The following PPME1 variants were observed in gnomAD, a reference collection of about 807,000 sequenced individuals.
PPME1 encodes the protein testicular secretory protein Li 39.
In PPME1, 17 loss-of-function variants were observed where a neutral mutation model predicts 56.9. That is an observed-to-expected ratio of 0.30 (90% CI 0.20 to 0.45). The LOEUF is 0.45. PPME1 is among the 20% of genes least tolerant of loss of function. The pLI, the probability that PPME1 is intolerant of heterozygous loss-of-function variation, is 1.00. For synonymous variants in PPME1, 122 were observed against 156.2 expected (o/e 0.78, Z 1.63); for missense variants, 357 against 483.2 (o/e 0.74, Z 2.45).
chr11:74,176,905 A>G (rs1857413698), intron 1 of PPME1, among the ~76,000 whole-genome samples: 1 of 151,306 alleles, frequency 6.6e-6, no homozygotes, highest in African/African-American at 2.4e-5. Context: ...TAATTTTTGT[A>G]TTTTTAGTAG....
At chr11:74,195,879 A>G (rs555964) in intron 1 of PPME1, among the ~76,000 whole-genome samples, 104,524 of 152,104 alleles carry the variant, frequency 0.69, 36,133 homozygotes, top group East Asian at 0.84. Flanking sequence ...CCTATCAAAA[A>G]GTTTTGGGAA....
intron 1 of PPME1, among the ~76,000 whole-genome samples, chr11:74,202,170 T>C (rs773342930): frequency 3.3e-5 from 5 of 152,226 alleles, no homozygotes; most frequent in South Asian, 2.1e-4. Flanking sequence ...GTAGGACTTA[T>C]AAGGAATTTG....
intron 1 of PPME1, 36 bp from the exon 2 acceptor site, chr11:74,203,692 A>T (rs368312393): frequency 1.3e-6 from 2 of 1,543,744 alleles, no homozygotes; most frequent in African/African-American, 1.4e-5. Context: ...TTTATGCATA[A>T]TTTTTCTGAA....
intron 5 of PPME1, 107 bp downstream of exon 5, chr11:74,225,363 C>T (rs1858908192): frequency 1.2e-6 from 1 of 829,830 alleles, no homozygotes; most frequent in Non-Finnish European, 1.8e-6. Flanking sequence ...ATAATTACCA[C>T]AAGGAAAATT....
chr11:74,248,515 C>T (rs1258398045), intron 11 of PPME1: 1 of 152,220 alleles, frequency 6.6e-6, no homozygotes, highest in Admixed American at 6.5e-5. Context: ...ATATAAAACT[C>T]TGGTCCCAGA....
chr11:74,190,627 G>A (rs111863814), intron 1 of PPME1, among the ~76,000 whole-genome samples: 8 of 152,170 alleles, frequency 5.3e-5, no homozygotes, highest in African/African-American at 1.4e-4. Context: ...AATTGATACC[G>A]AAGAGTAGGA....
intron 11 of PPME1, chr11:74,250,208 C>T (rs1859620102): frequency 6.6e-6 from 1 of 152,102 alleles, no homozygotes; most frequent in African/African-American, 2.4e-5. Flanking sequence ...AATCTGCTGT[C>T]TCTACTTATG....
intron 3 of PPME1, among the ~76,000 whole-genome samples, chr11:74,218,692 A>G (rs1333676762): frequency 2.0e-5 from 3 of 152,216 alleles, no homozygotes; most frequent in South Asian, 4.1e-4. Context: ...AAAACTGGAT[A>G]TCCATATACA....
chr11:74,178,744 C>T (rs1857458560), intron 1 of PPME1, among the ~76,000 whole-genome samples: 1 of 152,074 alleles, frequency 6.6e-6, no homozygotes, highest in Non-Finnish European at 1.5e-5. Flanking sequence ...TCCATTGTTG[C>T]TTATTGCCAG....
At chr11:74,224,376 G>A (rs1398295537) in intron 4 of PPME1, among the ~76,000 whole-genome samples, 1 of 124,648 alleles carries the variant, frequency 8.0e-6, no homozygotes, top group Admixed American at 8.3e-5. Context: ...GTCAGGTAGT[G>A]TGATGCCTCC....
In PPME1 at chr11:74,171,380, G is replaced by C. The variant is rs749310987; in HGVS notation, c.-42G>C. On this transcript the variant is annotated 5_prime_UTR_variant, in exon 1 of 14. Coordinates refer to ENST00000328257, the MANE Select transcript of PPME1 (RefSeq NM_016147.3). ...TGGGCCACACTCAACGTGGGACGAA[G>C]CTTCGCCTACTGTTTGACTACGTGC... 7 of 1,578,236 alleles carry C rather than the reference G, an allele frequency of 4.4e-6. No individual in the cohort carries two copies. In the East Asian group the frequency reaches 1.6e-4, roughly 37 times the overall value.
chr11:74,231,431 G>A (rs1442674046), intron 7 of PPME1, among the ~76,000 whole-genome samples: 1 of 152,188 alleles, frequency 6.6e-6, no homozygotes, highest in African/African-American at 2.4e-5. Flanking sequence ...ATGTTAGATT[G>A]TAGCTTTTCT....
Position 74,230,913 on chromosome 11 carries a change from T to TA in PPME1, c.556dup (p.Thr186AsnfsTer7), listed in dbSNP as rs1365809668. 1 of 1,596,152 alleles carries TA rather than the reference T, an allele frequency of 6.3e-7. No homozygotes were observed. The highest frequency in any genetic ancestry group is 8.5e-7 in the Non-Finnish European group (1 of 1,170,220). On this transcript the variant is annotated frameshift_variant and splice_region_variant, in exon 7 of 14. Transcript: ENST00000328257. LOFTEE classifies it high-confidence loss of function. This position sits in a 1 kb window ranked among gnomAD's most constrained non-coding sequence, Gnocchi z 4.9. ...TTACAGTTTTTGTTTAACATCCAGG[T>TA]ACAGCTATGGATGCACTTAATAGCA...
intron 8 of PPME1, chr11:74,238,168 C>G (rs943750578): frequency 6.7e-6 from 1 of 149,780 alleles, no homozygotes; most frequent in Non-Finnish European, 1.5e-5. Flanking sequence ...CTTTGTTACA[C>G]TGTTTTTTTT....
At chr11:74,215,272 A>G (rs1256553829) in intron 3 of PPME1, among the ~76,000 whole-genome samples, 2 of 152,248 alleles carry the variant, frequency 1.3e-5, no homozygotes, top group East Asian at 3.9e-4. Context: ...GCTGGGAGGC[A>G]GTGGTTGTAG....
At chr11:74,189,380 C>G (rs1857775692) in intron 1 of PPME1, among the ~76,000 whole-genome samples, 2 of 152,154 alleles carry the variant, frequency 1.3e-5, no homozygotes, top group Admixed American at 1.3e-4. Flanking sequence ...GCCTTGACTC[C>G]CTGGGCTCAA....
intron 1 of PPME1, among the ~76,000 whole-genome samples, chr11:74,198,552 C>G (rs141580384): frequency 6.6e-6 from 1 of 152,286 alleles, no homozygotes; most frequent in Non-Finnish European, 1.5e-5. Context: ...TCCTTGATCT[C>G]CTGGTCTCAA....
At chr11:74,186,052 C>T (rs148652949) in intron 1 of PPME1, among the ~76,000 whole-genome samples, 23 of 152,234 alleles carry the variant, frequency 1.5e-4, no homozygotes, top group Admixed American at 3.9e-4. Context: ...TTGGATTCCA[C>T]GATGCTCAAC....
intron 1 of PPME1, among the ~76,000 whole-genome samples, chr11:74,191,320 A>G (rs183400686): frequency 2.4e-4 from 37 of 152,336 alleles, no homozygotes; most frequent in Admixed American, 4.6e-4. Flanking sequence ...AGCCTGGACA[A>G]CAGAGTGAAA....
Sources: gnomAD v4.1 joint callset for allele counts (sites outside exome capture counted in the v4.1 genomes callset) on GRCh38, gnomAD v4.1.1 for gene constraint, Gnocchi (gnomAD v3.1) non-coding constraint, MANE v1.5 for transcripts, NCBI Gene and HGNC (gene_info 2026-07-23, HGNC 2026-07-21) for gene names.